Variants in MYL6B observed in about 807,000 individuals in gnomAD.
The protein encoded by MYL6B is myosin light chain 6B.
Under a neutral mutation model 24.5 loss-of-function variants are expected in MYL6B, and 19 were observed. The ratio of observed to expected loss-of-function variants is 0.78; its 90% CI spans 0.54 to 1.14. The LOEUF (loss-of-function observed/expected upper bound fraction) is 1.14, where lower values mean the gene tolerates loss of function less well. Among genes scored for constraint, MYL6B ranks in the 50% most tolerant of loss-of-function variants. The pLI is 0.00. For missense variants in MYL6B, 230 were observed against 263.8 expected (o/e 0.87, Z 0.89); for synonymous variants, 90 against 100.7 (o/e 0.89, Z 0.64).
chr12:56,155,007 G>A (rs767907666), intron 3 of MYL6B, 48 bp from the exon 4 acceptor site: 8 of 1,573,522 alleles, frequency 5.1e-6, no homozygotes, highest in Middle Eastern at 1.7e-4. Flanking sequence ...GTCTGGGGGT[G>A]ATGGGAACCC....
At chr12:56,153,780 A>G in intron 1 of MYL6B, 93 bp from the exon 2 acceptor site, 1 of 834,544 alleles carries the variant, frequency 1.2e-6, no homozygotes, top group Non-Finnish European at 1.8e-6. Flanking sequence ...AGGCGGTTAT[A>G]TCTCTCCTCT....
chr12:56,154,725 C>G, intron 2 of MYL6B, 88 bp from the exon 3 acceptor site: 1 of 1,495,774 alleles, frequency 6.7e-7, no homozygotes. Flanking sequence ...GGCCCCTCCT[C>G]AGAAGTGGCT....
exon 5 of MYL6B, chr12:56,155,480 G>C: frequency 6.2e-7 from 1 of 1,614,164 alleles, no homozygotes; most frequent in Non-Finnish European, 8.5e-7. Flanking sequence ...CAGTGGCCAA[G>C]AACCGAGGCC....
intron 5 of MYL6B, chr12:56,157,239 AC>A: frequency 2.1e-6 from 1 of 484,650 alleles, no homozygotes; most frequent in Non-Finnish European, 3.8e-6. Flanking sequence ...TACCAAAAAT[AC>A]AAAAAATTAG....
At chr12:56,154,041 C>G in exon 2 of MYL6B, 1 of 1,614,068 alleles carries the variant, frequency 6.2e-7, no homozygotes, top group African/African-American at 1.3e-5. Context: ...CAGCTGTCCC[C>G]CAGGCCCCTC....
chr12:56,155,680 G>T, intron 5 of MYL6B, 88 bp downstream of exon 5: 1 of 1,598,594 alleles, frequency 6.3e-7, no homozygotes, highest in Non-Finnish European at 8.5e-7. Context: ...AGCAGAGCTA[G>T]CAGGAGGCTT....
intron 5 of MYL6B, chr12:56,157,242 A>G: frequency 2.0e-6 from 1 of 490,448 alleles, no homozygotes; most frequent in Non-Finnish European, 3.7e-6. Context: ...CAAAAATACA[A>G]AAAATTAGCC....
At chr12:56,154,039 C>T (rs1469508017) in exon 2 of MYL6B, 1 of 1,614,062 alleles carries the variant, frequency 6.2e-7, no homozygotes, top group Non-Finnish European at 8.5e-7. Flanking sequence ...GCCAGCTGTC[C>T]CCCAGGCCCC....
intron 5 of MYL6B, 98 bp from the exon 6 acceptor site, chr12:56,157,370 C>A: frequency 8.5e-7 from 1 of 1,169,646 alleles, no homozygotes; most frequent in Non-Finnish European, 1.2e-6. Context: ...GCCTGAGCGA[C>A]AGGAGCGAAA....
In MYL6B at chr12:56,154,502, G is replaced by A. The variant is rs1871231543; in HGVS notation, c.175-311G>A. On this transcript the variant is annotated intron_variant, in intron 2 of 6. Coordinates refer to ENST00000553066, the Ensembl canonical transcript of MYL6B. Reference sequence around the variant, plus strand: ...AGGACAGACTTGTTAGACAATCACAGCTGGGGGCCAGGGGTAAATTTAGCC... The same window carrying A: ...AGGACAGACTTGTTAGACAATCACAACTGGGGGCCAGGGGTAAATTTAGCC... 2.0e-5 allele frequency among the ~76,000 whole-genome samples: 3 copies of A among 152,236 alleles called. No homozygotes were observed. The South Asian group carries it at 6.2e-4, about 31-fold the overall frequency.
rs1212243654 is a variant in MYL6B, at chr12:56,154,808, C to T, written c.175-5C>T. On this transcript the variant is annotated splice_region_variant and splice_polypyrimidine_tract_variant and intron_variant, in intron 2 of 6. Coordinates refer to ENST00000553066, the Ensembl canonical transcript of MYL6B. ...TCTCTCCCCACCTGCTTTTTTCTTC[C>T]ACAGATCGAGTTTAACAAGGACCAG... The T allele has an allele frequency of 6.2e-7, 1 of 1,612,120 alleles. No homozygotes were observed. The highest frequency in any genetic ancestry group is 8.5e-7 in the Non-Finnish European group (1 of 1,179,110).
At chr12:56,156,482 G>A (rs1210079884) in intron 5 of MYL6B, among the ~76,000 whole-genome samples, 2 of 147,160 alleles carry the variant, frequency 1.4e-5, no homozygotes, top group Non-Finnish European at 3.0e-5. Context: ...GCGGGTGCCT[G>A]TAATCCCAGC....
intron 3 of MYL6B, 94 bp from the exon 4 acceptor site, chr12:56,154,961 C>T: frequency 6.4e-7 from 1 of 1,563,448 alleles, no homozygotes; most frequent in African/African-American, 1.4e-5. Flanking sequence ...CTTTTCCTCC[C>T]TTGTTCTGTT....
At position 56,154,097 on chromosome 12, in the gene MYL6B, G is replaced by A; in HGVS notation, c.174+5G>A. 1 of 1,608,738 alleles carries A rather than the reference G, an allele frequency of 6.2e-7. No homozygotes were observed. Among genetic ancestry groups the A allele is most frequent in the Non-Finnish European group, 8.5e-7 (1 of 1,177,356 alleles). On this transcript the variant is annotated splice_donor_5th_base_variant and intron_variant, in intron 2 of 6. Transcript: ENST00000553066. Reference sequence around the variant, plus strand: ...GTCGATCTCTCCAAAGTGGTGGTGAGTCTCTGGAAAGTGAAGATAGAATTG... The same window carrying A: ...GTCGATCTCTCCAAAGTGGTGGTGAATCTCTGGAAAGTGAAGATAGAATTG...
At chr12:56,155,059 C>A in exon 4 of MYL6B, 1 of 1,610,438 alleles carries the variant, frequency 6.2e-7, no homozygotes, top group African/African-American at 1.3e-5. Context: ...CTTTAGAGTT[C>A]AAGGAGGCCT....
At chr12:56,154,161 T>C (rs1399823715) in intron 2 of MYL6B, 69 bp downstream of exon 2, 2 of 1,465,604 alleles carry the variant, frequency 1.4e-6, no homozygotes, top group Non-Finnish European at 1.8e-6. Context: ...CCTAGGGGAT[T>C]AGGGGGTATC....
intron 3 of MYL6B, 35 bp downstream of exon 3, chr12:56,154,875 C>G: frequency 6.2e-7 from 1 of 1,602,898 alleles, no homozygotes; most frequent in South Asian, 1.1e-5. Flanking sequence ...ACTGTCCCAT[C>G]CCCAATCCCC....
intron 5 of MYL6B, 22 bp downstream of exon 5, chr12:56,155,614 A>G (rs1871277875): frequency 6.2e-7 from 1 of 1,611,936 alleles, no homozygotes; most frequent in Non-Finnish European, 8.5e-7. Flanking sequence ...AAGGGGGACC[A>G]GAACTCCTTT....
At chr12:56,155,528 G>A (rs745485228) in exon 5 of MYL6B, 24 of 1,614,010 alleles carry the variant, frequency 1.5e-5, no homozygotes, top group Non-Finnish European at 2.0e-5. Flanking sequence ...GGTTTCGTGT[G>A]TTTGACAAGG....
Sources: gnomAD v4.1 joint callset for allele counts (sites outside exome capture counted in the v4.1 genomes callset) on GRCh38, gnomAD v4.1.1 for gene constraint, MANE v1.5 for transcripts, NCBI Gene and HGNC (gene_info 2026-07-23, HGNC 2026-07-21) for gene names.